The following FGF9 variants were observed in gnomAD, a reference collection of about 807,000 sequenced individuals.
The protein encoded by FGF9 is fibroblast growth factor 9 (glia-activating factor).
A neutral mutation model predicts 19.9 loss-of-function variants in FGF9; 3 were observed. That is an observed-to-expected ratio of 0.15 (90% CI 0.07 to 0.39). FGF9 has a LOEUF of 0.39. FGF9 is among the 10% of genes least tolerant of loss of function. The probability of loss-of-function intolerance (pLI) is 1.00; values close to 1 mark genes in which losing one functional copy is unlikely to be tolerated. For synonymous variants in FGF9, 107 were observed against 106.9 expected, an observed-to-expected ratio of 1.00 and a Z score of -0.01; for missense variants, 175 against 256.8, an observed-to-expected ratio of 0.68 and a Z score of 2.18.
intron 1 of FGF9, among the ~76,000 whole-genome samples, chr13:21,677,336 G>T (rs1871942072): frequency 6.6e-6 from 1 of 151,918 alleles, no homozygotes; most frequent in African/African-American, 2.4e-5. Flanking sequence ...TCTTTTCTTT[G>T]CTCTTTCCTT....
intron 1 of FGF9, among the ~76,000 whole-genome samples, chr13:21,678,378 T>C (rs1871963816): frequency 6.6e-6 from 1 of 152,328 alleles, no homozygotes; most frequent in East Asian, 1.9e-4. Flanking sequence ...TCCAGTTGCT[T>C]GGGGGCTAAT....
intron 2 of FGF9, among the ~76,000 whole-genome samples, chr13:21,684,462 C>T (rs531648565): frequency 6.6e-6 from 1 of 152,112 alleles, no homozygotes; most frequent in African/African-American, 2.4e-5. Context: ...ATAGATGTGG[C>T]CTCACAGTAT....
At chr13:21,689,245 G>C (rs1872232230) in intron 2 of FGF9, among the ~76,000 whole-genome samples, 1 of 152,180 alleles carries the variant, frequency 6.6e-6, no homozygotes, top group South Asian at 2.1e-4. Flanking sequence ...TGATAAGAGA[G>C]CCTGAGAGAG....
At chr13:21,687,580 G>A (rs889965844) in intron 2 of FGF9, among the ~76,000 whole-genome samples, 2 of 152,296 alleles carry the variant, frequency 1.3e-5, no homozygotes, top group African/African-American at 4.8e-5. Flanking sequence ...CAGCCTTGGC[G>A]CTTGGTGCAG....
rs761587697 is a variant in FGF9 at position 21,672,818 on chromosome 13, G to T, written c.277+629G>T. 2.6e-5 allele frequency among the ~76,000 whole-genome samples: 4 copies of T among 152,208 alleles called. No individual in the cohort carries two copies. The highest frequency in any genetic ancestry group is 5.9e-5 in the Non-Finnish European group (4 of 68,048). On this transcript the variant is annotated intron_variant, in intron 1 of 2. Coordinates refer to ENST00000382353, the MANE Select transcript of FGF9 (RefSeq NM_002010.3). The surrounding 1 kb of genome is among the most constrained non-coding windows in gnomAD (Gnocchi z 4.2). Reference sequence around the variant, plus strand: ...AAAATGACTTGGGAAGAGGCAGGGCGCTCAGGGGTTTTTGTCCTTCCAGCT... The same window carrying T: ...AAAATGACTTGGGAAGAGGCAGGGCTCTCAGGGGTTTTTGTCCTTCCAGCT...
At chr13:21,686,502 A>C (rs1872161696) in intron 2 of FGF9, among the ~76,000 whole-genome samples, 2 of 152,272 alleles carry the variant, frequency 1.3e-5, no homozygotes, top group South Asian at 4.1e-4. Flanking sequence ...ATGTTGGAAC[A>C]TACAGCATGG....
rs1872569209 is a variant in FGF9 at position 21,702,297 on chromosome 13, C to T, written c.*862C>T. On this transcript the variant is annotated 3_prime_UTR_variant, in exon 3 of 3. Coordinates refer to ENST00000382353, the MANE Select transcript of FGF9 (RefSeq NM_002010.3). The stretch of plus-strand genomic sequence containing the variant: ...GCCCATATTATTGTAAACTTATGCA[C>T]ATCGCTCATGACACTGAGTATTCAC... The T allele has an allele frequency of 6.6e-6, 1 of 152,198 alleles. No homozygotes were observed. The highest frequency in any genetic ancestry group is 1.5e-5 in the Non-Finnish European group (1 of 68,038). 9.4% of individuals were successfully genotyped at this position (152,198 alleles called of 1,614,324 possible). A position where few individuals can be genotyped will look rare whatever the true frequency, so the allele number is the denominator to read the frequency against.
At chr13:21,699,929 C>G (rs1872500014) in intron 2 of FGF9, among the ~76,000 whole-genome samples, 1 of 152,044 alleles carries the variant, frequency 6.6e-6, no homozygotes, top group South Asian at 2.1e-4. Flanking sequence ...AGCAAAAAGG[C>G]CAGTAAGTCC....
chr13:21,671,999 C>T lies in FGF9; in HGVS notation c.87C>T (p.Ser29=), dbSNP rs1473798648. 2.5e-6 allele frequency: 4 copies of T among 1,614,068 alleles called. No homozygotes were observed. The Admixed American group carries it at 5.0e-5, about 20-fold the overall frequency. Residue 29 remains serine (S), a synonymous_variant, in exon 1 of 3, where the codon AGC becomes AGT. Transcript: ENST00000382353. ...FGNVPVLPVD[S]PVLLSDHLGQ... ...ATGTGCCCGTGTTGCCGGTGGACAG[C>T]CCGGTTTTGTTAAGTGACCACCTGG...
chr13:21,701,643 G>T lies in FGF9; in HGVS notation c.*208G>T. 1.7e-6 allele frequency: 1 copy of T among 599,660 alleles called. No individual in the cohort carries two copies. Among genetic ancestry groups the T allele is most frequent in the Admixed American group, 2.9e-5 (1 of 34,490 alleles). The allele number at this position is 599,660 out of a possible 1,614,324, so 37.1% of individuals were successfully genotyped here. On this transcript the variant is annotated 3_prime_UTR_variant, in exon 3 of 3. Transcript: ENST00000382353. ...TTCTCCTCCTGGAGGGCTGCCTAGG[G>T]CCACTTGCTTGATTTATCATGAGAG...
intron 2 of FGF9, 79 bp downstream of exon 2, chr13:21,681,224 GC>G: frequency 1.9e-6 from 2 of 1,069,456 alleles, no homozygotes; most frequent in Non-Finnish European, 2.9e-6. Flanking sequence ...ATTAAAAAGG[GC>G]CAGAAATGCA....
intron 2 of FGF9, among the ~76,000 whole-genome samples, chr13:21,696,268 T>G (rs1474268455): frequency 1.3e-5 from 2 of 152,240 alleles, no homozygotes; most frequent in East Asian, 3.8e-4. Flanking sequence ...ATTTCAGTTT[T>G]TCCCACCGCT....
intron 2 of FGF9, among the ~76,000 whole-genome samples, chr13:21,683,940 C>T (rs781604879): frequency 1.4e-4 from 22 of 152,308 alleles, no homozygotes; most frequent in African/African-American, 1.9e-4. Flanking sequence ...TAGGATGAAC[C>T]GCTGCCTGGA....
intron 2 of FGF9, among the ~76,000 whole-genome samples, chr13:21,697,377 C>A (rs1872432870): frequency 6.6e-6 from 1 of 152,104 alleles, no homozygotes; most frequent in Non-Finnish European, 1.5e-5. Context: ...GAACCCCTGG[C>A]CTCAAGTGAT....
chr13:21,679,076 G>A (rs1189606104), intron 1 of FGF9, among the ~76,000 whole-genome samples: 1 of 152,108 alleles, frequency 6.6e-6, no homozygotes, highest in East Asian at 1.9e-4. Flanking sequence ...ATTCCCATTT[G>A]CTTTTGAAGT....
intron 2 of FGF9, among the ~76,000 whole-genome samples, chr13:21,684,667 C>T (rs773052077): frequency 6.6e-5 from 10 of 152,314 alleles, no homozygotes; most frequent in East Asian, 1.9e-4. Flanking sequence ...GTATCTGCTA[C>T]GAAGTAGGCA....
At chr13:21,681,333 C>A in intron 2 of FGF9, 188 bp downstream of exon 2, 1 of 498,606 alleles carries the variant, frequency 2.0e-6, no homozygotes, top group South Asian at 3.1e-5. Context: ...TTCACTAGAC[C>A]AAAGTTGCTA....
rs1872585278 is a variant in FGF9, at chr13:21,703,094, A to G, written c.*1659A>G. ...AAAAGAGCCAAATTCTTAAAGCAAT[A>G]TTTAAGAAAAAAGGAATTTATAACA... On this transcript the variant is annotated 3_prime_UTR_variant, in exon 3 of 3. Coordinates refer to ENST00000382353, the MANE Select transcript of FGF9 (RefSeq NM_002010.3). 1 of 152,278 alleles carries G rather than the reference A, an allele frequency of 6.6e-6. No homozygotes were observed. The highest frequency in any genetic ancestry group is 1.5e-5 in the Non-Finnish European group (1 of 68,050). The allele number at this position is 152,278 out of a possible 1,614,324, so 9.4% of individuals were successfully genotyped here.
Position 21,672,430 on chromosome 13 carries a change from A to G in FGF9, c.277+241A>G, listed in dbSNP as rs556918968. On this transcript the variant is annotated intron_variant, in intron 1 of 2. Transcript: ENST00000382353. The surrounding 1 kb of genome is among the most constrained non-coding windows in gnomAD (Gnocchi z 4.2). Reference sequence around the variant, plus strand: ...CTGAAAGGCCCCCTACTTTTAATTTAAAGGGGGGCATAATTTATAAATATA... The same window carrying G: ...CTGAAAGGCCCCCTACTTTTAATTTGAAGGGGGGCATAATTTATAAATATA... Among the ~76,000 whole-genome samples, 101 of 152,266 alleles carry G rather than the reference A, an allele frequency of 6.6e-4. No homozygotes were observed. The highest frequency in any genetic ancestry group is 1.2e-3 in the Non-Finnish European group (81 of 68,010).
Sources: allele counts gnomAD v4.1 joint callset (sites outside exome capture counted in the v4.1 genomes callset), GRCh38; gene constraint gnomAD v4.1.1; non-coding constraint Gnocchi (gnomAD v3.1); transcripts MANE v1.5; gene names NCBI Gene and HGNC (gene_info 2026-07-23, HGNC 2026-07-21).